The following PCDHA1 variants were observed in gnomAD, a reference collection of about 807,000 sequenced individuals.
PCDHA1 encodes protocadherin alpha 1, also known as protocadherin alpha-1.
Under a neutral mutation model 61.3 loss-of-function variants are expected in PCDHA1, and 42 were observed. The ratio of observed to expected loss-of-function variants is 0.69; its 90% CI spans 0.54 to 0.89. PCDHA1 has a LOEUF of 0.89. Among genes scored for constraint, PCDHA1 ranks in the 40% least tolerant of loss-of-function variants. The pLI is 0.00. For missense variants in PCDHA1, 1,256 were observed against 1,235.3 expected, an observed-to-expected ratio of 1.02 and a Z score of -0.25; for synonymous variants, 610 against 553.8, an observed-to-expected ratio of 1.10 and a Z score of -1.43.
intron 1 of PCDHA1, among the ~76,000 whole-genome samples, chr5:140,839,640 TC>T (rs1776343463): frequency 6.6e-6 from 1 of 152,096 alleles, no homozygotes; most frequent in Admixed American, 6.5e-5. Flanking sequence ...AATACTATTT[TC>T]TTTACAAATT....
chr5:140,788,893 T>C, intron 1 of PCDHA1: 2 of 1,258,710 alleles, frequency 1.6e-6, no homozygotes, highest in Non-Finnish European at 2.1e-6. Context: ...AATTGTCGTA[T>C]TTCTTGATTT....
intron 1 of PCDHA1, among the ~76,000 whole-genome samples, chr5:140,907,506 A>G (rs1418997042): frequency 2.6e-5 from 4 of 152,234 alleles, no homozygotes; most frequent in Non-Finnish European, 5.9e-5. Flanking sequence ...GTAAGTGTCT[A>G]TTCCAGTGAG....
intron 3 of PCDHA1, among the ~76,000 whole-genome samples, chr5:140,993,652 T>C (rs1174007185): frequency 6.6e-6 from 1 of 152,172 alleles, no homozygotes; most frequent in Admixed American, 6.5e-5. Flanking sequence ...AATGACACTT[T>C]GGTTAACAAT....
intron 1 of PCDHA1, chr5:140,842,957 G>A: frequency 6.3e-7 from 1 of 1,594,936 alleles, no homozygotes; most frequent in Middle Eastern, 1.8e-4. Flanking sequence ...GCCGCCTCTG[G>A]GCAGCAACGT....
chr5:140,881,995 T>C, intron 1 of PCDHA1: 1 of 464,062 alleles, frequency 2.2e-6, no homozygotes, highest in Middle Eastern at 5.9e-4. Flanking sequence ...TGTCAGGAAA[T>C]GCAAGGGGCA....
intron 1 of PCDHA1, among the ~76,000 whole-genome samples, chr5:140,818,846 A>G (rs2150102487): frequency 3.3e-5 from 5 of 152,190 alleles, no homozygotes; most frequent in Non-Finnish European, 5.9e-5. Context: ...GTATAGAATC[A>G]ACTATAGGTA....
At chr5:140,966,522 G>A (rs1350046535) in intron 1 of PCDHA1, 2 of 437,040 alleles carry the variant, frequency 4.6e-6, no homozygotes, top group Non-Finnish European at 7.9e-6. Flanking sequence ...GCAGGAAGCC[G>A]AGCCGGGTTG....
intron 1 of PCDHA1, chr5:140,822,738 C>A: frequency 1.9e-6 from 3 of 1,613,298 alleles, no homozygotes; most frequent in Non-Finnish European, 2.5e-6. Context: ...ATATTGATGC[C>A]ATGGATAAAA....
At chr5:140,813,378 A>G (rs1765280639) in intron 1 of PCDHA1, 1 of 152,242 alleles carries the variant, frequency 6.6e-6, no homozygotes, top group Non-Finnish European at 1.5e-5. Context: ...CCTAGGTTAC[A>G]TGATCTATTG....
intron 1 of PCDHA1, chr5:140,822,371 T>C: frequency 1.2e-6 from 2 of 1,614,080 alleles, no homozygotes; most frequent in South Asian, 2.2e-5. Context: ...AGGAAATCCT[T>C]AGATAGAGAA....
chr5:140,932,583 G>A (rs1007147257), intron 1 of PCDHA1, among the ~76,000 whole-genome samples: 29 of 151,810 alleles, frequency 1.9e-4, no homozygotes, highest in Admixed American at 1.8e-3. Flanking sequence ...AGGGTAATTA[G>A]ATGTTTTGTA....
In PCDHA1 at chr5:141,010,294, C is replaced by T. The variant is rs545906858; in HGVS notation, c.*357C>T. ...TCCTGTCTTGATGACACTTGCAGGG[C>T]AGGCTGAAAAGTTTTGAGATTGAGC... On this transcript the variant is annotated 3_prime_UTR_variant, in exon 4 of 4. Coordinates refer to ENST00000504120, the MANE Select transcript of PCDHA1 (RefSeq NM_018900.4). 3.2e-6 allele frequency: 5 copies of T among 1,549,782 alleles called. No homozygotes were observed. Among genetic ancestry groups the T allele is most frequent in the Non-Finnish European group, 4.4e-6 (5 of 1,146,446 alleles).
intron 1 of PCDHA1, chr5:140,828,272 C>G: frequency 6.2e-7 from 1 of 1,614,040 alleles, no homozygotes. Context: ...GGAGCTGGTG[C>G]CGCGCCTGTT....
intron 1 of PCDHA1, among the ~76,000 whole-genome samples, chr5:140,818,943 AT>A (rs1554127580): frequency 6.6e-6 from 1 of 152,228 alleles, no homozygotes; most frequent in East Asian, 1.9e-4. Context: ...TGACATGAAC[AT>A]TGATATTCAC....
intron 3 of PCDHA1, among the ~76,000 whole-genome samples, chr5:140,996,330 A>G (rs551945424): frequency 6.6e-6 from 1 of 152,208 alleles, no homozygotes; most frequent in Non-Finnish European, 1.5e-5. Flanking sequence ...TAGAGAAGAA[A>G]AGTTTGAAAA....
rs2150176322 is a variant in PCDHA1, at chr5:140,829,855, C to T, written c.2394+41171C>T. 3 of 1,613,928 alleles carry T rather than the reference C, an allele frequency of 1.9e-6. No individual in the cohort carries two copies. In the South Asian group the frequency reaches 3.3e-5, roughly 18 times the overall value. ...TGGTGCCGCGGTCACTGGGTGCAGG[C>T]CAAGTGGTGGCGAAGGTGCGCGCAG... On this transcript the variant is annotated intron_variant, in intron 1 of 3. Transcript: ENST00000504120.
Position 140,869,844 on chromosome 5 carries a change from T to C in PCDHA1, c.2394+81160T>C, listed in dbSNP as rs782664707. The C allele has an allele frequency of 1.3e-5, 21 of 1,611,376 alleles. No individual in the cohort carries two copies. The South Asian group carries it at 1.7e-4, about 13-fold the overall frequency. ...ATCCAGAGTTTGATAAATCAGAATA[T>C]AAGGTGAGCCTTATGGAAAATGCTG... On this transcript the variant is annotated intron_variant, in intron 1 of 3. Transcript: ENST00000504120.
In PCDHA1 at chr5:140,857,236, G is replaced by C; in HGVS notation, c.2394+68552G>C. On this transcript the variant is annotated intron_variant, in intron 1 of 3. Transcript: ENST00000504120. ...TGACGCCTCACGTTCCGTTCAAGCTGGTGTCCACCTACAAGAATTACTACT... is the reference window on the plus strand; with the variant it reads ...TGACGCCTCACGTTCCGTTCAAGCTCGTGTCCACCTACAAGAATTACTACT... 6.9e-6 allele frequency: 11 copies of C among 1,598,556 alleles called. 1 individual carries two copies. Among genetic ancestry groups the C allele is most frequent in the Non-Finnish European group, 8.6e-6 (10 of 1,167,952 alleles).
chr5:141,000,381 CTCTCTCTCTCTCTCTATATA>C (rs2097908619), intron 3 of PCDHA1, among the ~76,000 whole-genome samples: 2 of 61,370 alleles, frequency 3.3e-5, no homozygotes, highest in African/African-American at 7.4e-5. Context: ...CTCTCTCTCT[CTCTCTCTCTCTCTCTATATA>C]TATATATATA....
Sources: gnomAD v4.1 joint callset for allele counts (sites outside exome capture counted in the v4.1 genomes callset) on GRCh38, gnomAD v4.1.1 for gene constraint, MANE v1.5 for transcripts, NCBI Gene and HGNC (gene_info 2026-07-23, HGNC 2026-07-21) for gene names.